The following LMO2 variants were observed in gnomAD, a reference collection of about 807,000 sequenced individuals.
LMO2 encodes LIM domain only 2, also known as rhombotin-2.
A neutral mutation model predicts 23.2 loss-of-function variants in LMO2; 20 were observed. The observed-to-expected ratio is 0.86, with a 90% confidence interval of 0.61 to 1.25. The LOEUF (loss-of-function observed/expected upper bound fraction) is 1.25. Among genes scored for constraint, LMO2 ranks in the 50% most tolerant of loss-of-function variants. The pLI, the probability that LMO2 is intolerant of heterozygous loss-of-function variation, is 0.00. For synonymous variants in LMO2, 123 were observed against 130.2 expected (o/e 0.94, Z 0.38); for missense variants, 270 against 315.3 (o/e 0.86, Z 1.09).
intron 5 of LMO2, among the ~76,000 whole-genome samples, chr11:33,863,600 T>C (rs545566223): frequency 3.3e-5 from 5 of 152,278 alleles, no homozygotes; most frequent in African/African-American, 1.2e-4. Context: ...GCTACACAGT[T>C]GAGCAGATCT....
In LMO2 at chr11:33,869,600, A is replaced by G; in HGVS notation, c.8-14T>C. The G allele has an allele frequency of 7.8e-7, 1 of 1,280,232 alleles. No homozygotes were observed. Among genetic ancestry groups the G allele is most frequent in the Non-Finnish European group, 1.0e-6 (1 of 1,003,708 alleles). 79.3% of individuals were successfully genotyped at this position (1,280,232 alleles called of 1,614,324 possible). On this transcript the variant is annotated splice_polypyrimidine_tract_variant and intron_variant, in intron 3 of 5. Coordinates refer to ENST00000257818, the MANE Select transcript of LMO2 (RefSeq NM_005574.4). ...TCACCGCGCTCCCTTCAAACGCCAA[A>G]GAGAGAGAGCGAATCACCGGGCTGC... is the stretch of plus-strand genomic sequence containing the variant.
At position 33,869,846 on chromosome 11, in the gene LMO2, G is replaced by A; in HGVS notation, c.-130C>T. 2 of 1,060,598 alleles carry A rather than the reference G, an allele frequency of 1.9e-6. No individual in the cohort carries two copies. The highest frequency in any genetic ancestry group is 2.3e-6 in the Non-Finnish European group (2 of 879,504). The allele number at this position is 1,060,598 out of a possible 1,614,324, so 65.7% of individuals were successfully genotyped here. A position where few individuals can be genotyped will look rare whatever the true frequency, so the allele number is the denominator to read the frequency against. On this transcript the variant is annotated 5_prime_UTR_variant, in exon 3 of 6. Transcript: ENST00000257818. ...GCACCTTCGGCCCGGGTCGCGGCGC[G>A]CTGCTCGCCGCCGAGGGCAGAGAGG...
At chr11:33,871,977 A>G (rs1195483564) in intron 2 of LMO2, among the ~76,000 whole-genome samples, 2 of 152,064 alleles carry the variant, frequency 1.3e-5, no homozygotes, top group African/African-American at 4.8e-5. Flanking sequence ...AACTCCCAGT[A>G]TCCTGGCCGG....
At chr11:33,879,426 C>T (rs1017019009) in intron 2 of LMO2, among the ~76,000 whole-genome samples, 1 of 150,250 alleles carries the variant, frequency 6.7e-6, no homozygotes, top group African/African-American at 2.5e-5. Flanking sequence ...TCGAGACCAG[C>T]CTGGCCAACA....
chr11:33,877,823 T>A (rs1188114610), intron 2 of LMO2, among the ~76,000 whole-genome samples: 1 of 151,944 alleles, frequency 6.6e-6, no homozygotes, highest in Non-Finnish European at 1.5e-5. Context: ...GGAATCTTGT[T>A]AATGATGCTC....
chr11:33,876,954 C>T (rs1220043228), intron 2 of LMO2, among the ~76,000 whole-genome samples: 1 of 152,188 alleles, frequency 6.6e-6, no homozygotes, highest in African/African-American at 2.4e-5. Flanking sequence ...AGAATAAGTG[C>T]TCAATGGATG....
chr11:33,885,041 G>T (rs1294241714), intron 1 of LMO2, among the ~76,000 whole-genome samples: 1 of 152,174 alleles, frequency 6.6e-6, no homozygotes. Context: ...CAGGACAATG[G>T]GTAGGAAGAC....
Position 33,869,845 on chromosome 11 carries a change from C to A in LMO2, c.-129G>T. ...CGCACCTTCGGCCCGGGTCGCGGCGCGCTGCTCGCCGCCGAGGGCAGAGAG... is the reference window on the plus strand; with the variant it reads ...CGCACCTTCGGCCCGGGTCGCGGCGAGCTGCTCGCCGCCGAGGGCAGAGAG... On this transcript the variant is annotated 5_prime_UTR_variant, in exon 3 of 6. Coordinates refer to ENST00000257818, the MANE Select transcript of LMO2 (RefSeq NM_005574.4). 2.8e-6 allele frequency: 3 copies of A among 1,060,616 alleles called. No individual in the cohort carries two copies. The highest frequency in any genetic ancestry group is 3.4e-6 in the Non-Finnish European group (3 of 879,524). The allele number at this position is 1,060,616 out of a possible 1,614,324, so 65.7% of individuals were successfully genotyped here.
chr11:33,891,919 C>T lies in LMO2; in HGVS notation c.-460G>A, dbSNP rs1302542106. On this transcript the variant is annotated 5_prime_UTR_variant, in exon 1 of 6. In the 5' UTR this introduces an upstream ATG that the reference lacks. Transcript: ENST00000257818. ...CTCGGGAGGCCCTGGCACCCTAGCA[C>T]CTGGTGCCTGTGCCATCTCCCCTCT... 1.3e-5 allele frequency: 2 copies of T among 152,350 alleles called. No homozygotes were observed. The highest frequency in any genetic ancestry group is 2.4e-5 in the African/African-American group (1 of 41,448). The allele number at this position is 152,350 out of a possible 1,614,324, so 9.4% of individuals were successfully genotyped here.
intron 5 of LMO2, among the ~76,000 whole-genome samples, chr11:33,861,406 AGGT>A (rs1856574976): frequency 6.6e-6 from 1 of 152,186 alleles, no homozygotes; most frequent in Non-Finnish European, 1.5e-5. Flanking sequence ...AATTGACAAG[AGGT>A]GGTCTGTGAG....
intron 1 of LMO2, among the ~76,000 whole-genome samples, chr11:33,883,092 CTTAT>C (rs1257538858): frequency 6.6e-6 from 1 of 152,166 alleles, no homozygotes; most frequent in African/African-American, 2.4e-5. Flanking sequence ...TTGATATTTT[CTTAT>C]TTGTGTATTT....
Position 33,869,809 on chromosome 11 carries a change from C to T in LMO2, c.-93G>A. 1 of 1,107,552 alleles carries T rather than the reference C, an allele frequency of 9.0e-7. No individual in the cohort carries two copies. The allele number at this position is 1,107,552 out of a possible 1,614,324, so 68.6% of individuals were successfully genotyped here. ...GGATGGTGTGCGCCCGCCCGGCCGC[C>T]CGGAGCCCCTCGCACCTTCGGCCCG... is the stretch of plus-strand genomic sequence containing the variant. On this transcript the variant is annotated 5_prime_UTR_variant, in exon 3 of 6. Coordinates refer to ENST00000257818, the MANE Select transcript of LMO2 (RefSeq NM_005574.4).
chr11:33,873,742 G>C (rs934974355), intron 2 of LMO2, among the ~76,000 whole-genome samples: 2 of 151,198 alleles, frequency 1.3e-5, no homozygotes, highest in African/African-American at 4.9e-5. Context: ...TCCTGAATAA[G>C]AATGCTAGAA....
At chr11:33,870,960 C>T (rs1350933291) in intron 2 of LMO2, 2 of 650,256 alleles carry the variant, frequency 3.1e-6, no homozygotes, top group Non-Finnish European at 1.9e-6. Flanking sequence ...CCTCAGAGTT[C>T]CTTGAAAATA....
In LMO2 at chr11:33,864,865, A is replaced by T. The variant is rs1856723601; in HGVS notation, c.249-48T>A. 6.4e-7 allele frequency: 1 copy of T among 1,560,584 alleles called. No individual in the cohort carries two copies. The highest frequency in any genetic ancestry group is 1.7e-5 in the Admixed American group (1 of 59,956). On this transcript the variant is annotated intron_variant, in intron 4 of 5. Coordinates refer to ENST00000257818, the MANE Select transcript of LMO2 (RefSeq NM_005574.4). This position sits in a 1 kb window ranked among gnomAD's most constrained non-coding sequence, Gnocchi z 4.8. ...GGGACAGCCTCACCAGAGTGAGACCAGCACCGAGGGTCCGAGATCGTTTTG... is the reference window on the plus strand; with the variant it reads ...GGGACAGCCTCACCAGAGTGAGACCTGCACCGAGGGTCCGAGATCGTTTTG...
chr11:33,865,245 T>G (rs539125376), intron 4 of LMO2: 63 of 267,416 alleles, frequency 2.4e-4, no homozygotes, highest in Non-Finnish European at 4.1e-4. Context: ...GGACGCACTC[T>G]GGACTAAAAG....
At chr11:33,882,933 G>A (rs1857321339) in intron 1 of LMO2, among the ~76,000 whole-genome samples, 1 of 152,078 alleles carries the variant, frequency 6.6e-6, no homozygotes, top group South Asian at 2.1e-4. Flanking sequence ...TGCATGTTAG[G>A]AATACATATT....
At chr11:33,870,493 T>C in intron 2 of LMO2, 1 of 986,282 alleles carries the variant, frequency 1.0e-6, no homozygotes, top group Non-Finnish European at 1.2e-6. Flanking sequence ...GGCTCCGGGC[T>C]GCGGGCTCCG....
chr11:33,890,145 T>G (rs973444593), intron 1 of LMO2, among the ~76,000 whole-genome samples: 1 of 151,398 alleles, frequency 6.6e-6, no homozygotes, highest in Non-Finnish European at 1.5e-5. Flanking sequence ...CTCAGAAGGG[T>G]GGGGGGAGGA....
Sources: allele counts gnomAD v4.1 joint callset (sites outside exome capture counted in the v4.1 genomes callset), GRCh38; gene constraint gnomAD v4.1.1; non-coding constraint Gnocchi (gnomAD v3.1); transcripts MANE v1.5; gene names NCBI Gene and HGNC (gene_info 2026-07-23, HGNC 2026-07-21).